Variants in IGSF10 observed in about 807,000 individuals in gnomAD.
IGSF10 encodes the protein calvaria mechanical force protein 608.
IGSF10 carries 126 observed loss-of-function variants against 128.2 expected under a neutral mutation model. The ratio of observed to expected loss-of-function variants is 0.98; its 90% confidence interval spans 0.85 to 1.14. The LOEUF (loss-of-function observed/expected upper bound fraction) is 1.14, where lower values mean the gene tolerates loss of function less well. IGSF10 is among the 50% of genes most tolerant of loss of function. The pLI is 0.00. For missense variants in IGSF10, 3,295 were observed against 3,149.8 expected (o/e 1.05, Z -1.10); for synonymous variants, 1,185 against 1,146.2 (o/e 1.03, Z -0.68).
chr3:151,608,583 TC>T, the IGSF10 span, among the ~76,000 whole-genome samples: 2 of 152,222 alleles, frequency 1.3e-5, no homozygotes, highest in African/African-American at 2.4e-5. Context: ...ACTTTTGGTA[TC>T]CCCTTTACTT....
chr3:151,458,113 A>G (rs1721885728), intron 3 of IGSF10, among the ~76,000 whole-genome samples: 1 of 151,258 alleles, frequency 6.6e-6, no homozygotes, highest in African/African-American at 2.4e-5. Context: ...AAGGATACAT[A>G]TATATATATA....
chr3:151,617,239 C>CTTCCTCTTCTT, the IGSF10 span, among the ~76,000 whole-genome samples: 2 of 95,274 alleles, frequency 2.1e-5, no homozygotes, highest in South Asian at 3.4e-4. Context: ...TCTTCTTCTT[C>CTTCCTCTTCTT]CTCCTCCTCT....
At chr3:151,529,737 C>A in the IGSF10 span, among the ~76,000 whole-genome samples, 1 of 152,250 alleles carries the variant, frequency 6.6e-6, no homozygotes, top group East Asian at 1.9e-4. Context: ...GTAGATAATT[C>A]CACGAAGATG....
the IGSF10 span, among the ~76,000 whole-genome samples, chr3:151,471,961 T>G: frequency 6.6e-6 from 1 of 152,198 alleles, no homozygotes; most frequent in Non-Finnish European, 1.5e-5. Context: ...AGGATGTAAA[T>G]TTAATGTAAA....
At chr3:151,558,755 T>C in the IGSF10 span, among the ~76,000 whole-genome samples, 1 of 152,196 alleles carries the variant, frequency 6.6e-6, no homozygotes, top group African/African-American at 2.4e-5. Flanking sequence ...TGGCATAGTA[T>C]GGCAGAACTC....
chr3:151,614,980 T>G, the IGSF10 span, among the ~76,000 whole-genome samples: 2 of 152,112 alleles, frequency 1.3e-5, no homozygotes, highest in South Asian at 4.1e-4. Flanking sequence ...TGACAGCTAT[T>G]CTTGTAATGA....
chr3:151,536,598 T>C, the IGSF10 span, among the ~76,000 whole-genome samples: 5 of 152,180 alleles, frequency 3.3e-5, no homozygotes, highest in African/African-American at 1.2e-4. Context: ...AAATCTGTCC[T>C]GATTCTACTG....
the IGSF10 span, among the ~76,000 whole-genome samples, chr3:151,513,679 C>T: frequency 4.1e-3 from 618 of 152,234 alleles, 2 homozygotes; most frequent in African/African-American, 0.014. Flanking sequence ...GGAAGTCAAA[C>T]TGTCCCTGTT....
chr3:151,473,388 G>A, the IGSF10 span, among the ~76,000 whole-genome samples: 1 of 152,104 alleles, frequency 6.6e-6, no homozygotes, highest in Non-Finnish European at 1.5e-5. Context: ...ACTGCTATTT[G>A]CTTTCCTACG....
At chr3:151,502,616 T>C in the IGSF10 span, among the ~76,000 whole-genome samples, 756 of 152,078 alleles carry the variant, frequency 5.0e-3, 7 homozygotes, top group African/African-American at 0.018. Flanking sequence ...TCCATTTTAT[T>C]ATCAATATTA....
chr3:151,479,752 T>C, the IGSF10 span, among the ~76,000 whole-genome samples: 4 of 152,158 alleles, frequency 2.6e-5, no homozygotes, highest in African/African-American at 9.7e-5. Context: ...ATGGAAAATA[T>C]AGCTATGGAG....
chr3:151,443,391 A>G lies in IGSF10; in HGVS notation c.5556T>C (p.Ile1852=). The G allele has an allele frequency of 6.2e-7, 1 of 1,614,224 alleles. No individual in the cohort carries two copies. Among genetic ancestry groups the G allele is most frequent in the Non-Finnish European group, 8.5e-7 (1 of 1,180,032 alleles). Residue 1852 remains isoleucine (I), a synonymous_variant, in exon 7 of 8, where the codon ATT becomes ATC. Transcript: ENST00000282466. ...TTAAACTTTCACCCCAAGTGCCTAC[A>G]ATGACTTGCCTCCTTTGCTCTAGAA... The part of the protein sequence containing the change: ...PVILEQRRQV[I]VGTWGESLKL...
At chr3:151,462,010 A>G (rs936325725), upstream of IGSF10, among the ~76,000 whole-genome samples, 2 of 151,806 alleles carry the variant, frequency 1.3e-5, no homozygotes, top group South Asian at 4.2e-4. Context: ...AAATACTACT[A>G]TTTCTGCTTG....
chr3:151,604,626 C>CACACAT, the IGSF10 span, among the ~76,000 whole-genome samples: 163 of 121,542 alleles, frequency 1.3e-3, no homozygotes, highest in East Asian at 5.0e-3. Context: ...CACACACACA[C>CACACAT]ATATATATAT....
rs149172093 is a variant in IGSF10, at chr3:151,445,244, T to A, written c.4737A>T (p.Pro1579=). The change falls in exon 6 of 8, where the codon CCA becomes CCT. Residue 1579 remains proline, a synonymous_variant. Transcript: ENST00000282466. ...PWAENQFWHK[P]YSEIAEKGKK... is the part of the protein sequence containing the mutation. ...TGCCTTTTTCAGCAATTTCTGAGTATGGTTTGTGCCAAAATTGGTTTTCTG... is the reference window on the plus strand; with the variant it reads ...TGCCTTTTTCAGCAATTTCTGAGTAAGGTTTGTGCCAAAATTGGTTTTCTG... The A allele has an allele frequency of 1.2e-4, 189 of 1,614,258 alleles. No homozygotes were observed. The Admixed American group carries it at 1.2e-3, about 10-fold the overall frequency.
the IGSF10 span, among the ~76,000 whole-genome samples, chr3:151,517,741 T>C: frequency 6.6e-6 from 1 of 151,940 alleles, no homozygotes; most frequent in Non-Finnish European, 1.5e-5. Flanking sequence ...TTGCACTAAG[T>C]ACCAAAAGAC....
the IGSF10 span, among the ~76,000 whole-genome samples, chr3:151,552,109 G>A: frequency 6.6e-6 from 1 of 152,110 alleles, no homozygotes; most frequent in Non-Finnish European, 1.5e-5. Flanking sequence ...GTGATAGTCA[G>A]TTCTCATAAG....
the IGSF10 span, among the ~76,000 whole-genome samples, chr3:151,485,934 C>T: frequency 6.0e-5 from 9 of 149,902 alleles, no homozygotes; most frequent in South Asian, 1.9e-3. Flanking sequence ...ATGCCAGGAT[C>T]GAATTCACAC....
the IGSF10 span, among the ~76,000 whole-genome samples, chr3:151,600,442 A>G: frequency 2.6e-5 from 4 of 152,138 alleles, no homozygotes; most frequent in South Asian, 2.1e-4. Context: ...TCTGCAAACT[A>G]TACTGTATAT....
Sources: allele counts gnomAD v4.1 joint callset (sites outside exome capture counted in the v4.1 genomes callset), GRCh38; gene constraint gnomAD v4.1.1; transcripts MANE v1.5; gene names NCBI Gene and HGNC (gene_info 2026-07-23, HGNC 2026-07-21).